The following RPS24 variants were observed in gnomAD, a reference collection of about 807,000 sequenced individuals.
RPS24 encodes ribosomal protein S24.
For synonymous variants in RPS24, 72 were observed against 55.6 expected, an observed-to-expected ratio of 1.30 and a Z score of -1.31; for missense variants, 100 against 162.5, an observed-to-expected ratio of 0.62 and a Z score of 2.09.
At chr10:78,045,852 AT>A (rs1270132456) in intron 4 of RPS24, among the ~76,000 whole-genome samples, 1 of 151,898 alleles carries the variant, frequency 6.6e-6, no homozygotes, top group African/African-American at 2.4e-5. Context: ...AAATACAAAA[AT>A]TAGCTGGGCG....
chr10:78,033,934 T>G, intron 1 of RPS24, 30 bp downstream of exon 1: 1 of 1,613,842 alleles, frequency 6.2e-7, no homozygotes, highest in Non-Finnish European at 8.5e-7. Context: ...TGCAGTCATC[T>G]GCCGCGTATC....
Position 78,054,574 on chromosome 10 carries a change from C to G in RPS24, c.434C>G (p.Ser145Cys). ...GGAGTGCAAGCATTGGGAAGAATTT[C>G]CCAGGAAGAGAGATGCACAGATGTG... The change falls in exon 5 of 5, where the codon TCC becomes TGC. Residue 145 changes from serine (S) to cysteine (C), a missense_variant. By Grantham distance (112) the Ser-to-Cys change is moderately radical (BLOSUM62 -1). Transcript: ENST00000440692. 5.2e-6 allele frequency: 8 copies of G among 1,547,646 alleles called. No homozygotes were observed. The African/African-American group carries it at 5.5e-5, about 11-fold the overall frequency.
chr10:78,052,771 A>C (rs1227189800), intron 4 of RPS24, among the ~76,000 whole-genome samples: 2 of 152,208 alleles, frequency 1.3e-5, no homozygotes, highest in East Asian at 3.9e-4. Context: ...AAGGGCTATC[A>C]TGTGAAAGAA....
At chr10:78,040,559 A>G in intron 5 of RPS24, 56 bp from the exon 6 acceptor site, 2 of 1,292,862 alleles carry the variant, frequency 1.5e-6, no homozygotes, top group Middle Eastern at 1.8e-4. Flanking sequence ...GGAATTGAAG[A>G]CTTTAAAGAA....
In RPS24 at chr10:78,054,560, A is replaced by G. The variant is rs756722617; in HGVS notation, c.420A>G (p.Ala140=). Reference sequence around the variant, plus strand: ...GGGAATTGGGGCTTGGAGTGCAAGCATTGGGAAGAATTTCCCAGGAAGAGA... The same window carrying G: ...GGGAATTGGGGCTTGGAGTGCAAGCGTTGGGAAGAATTTCCCAGGAAGAGA... The change falls in exon 5 of 5, where the codon GCA becomes GCG. Residue 140 remains alanine (A), a synonymous_variant. Coordinates refer to the RPS24 transcript ENST00000440692. The G allele has an allele frequency of 9.1e-6, 14 of 1,546,918 alleles. No homozygotes were observed. The South Asian group carries it at 1.1e-4, about 12-fold the overall frequency.
intron 4 of RPS24, among the ~76,000 whole-genome samples, chr10:78,052,990 A>G (rs985124130): frequency 6.6e-6 from 1 of 152,048 alleles, no homozygotes; most frequent in African/African-American, 2.4e-5. Flanking sequence ...CACCTCTACT[A>G]AAATACAGAA....
At chr10:78,050,835 C>T (rs1848092100) in intron 4 of RPS24, among the ~76,000 whole-genome samples, 1 of 152,084 alleles carries the variant, frequency 6.6e-6, no homozygotes, top group Non-Finnish European at 1.5e-5. Flanking sequence ...TATGTTGCGC[C>T]TCCTGGCCTC....
intron 4 of RPS24, among the ~76,000 whole-genome samples, chr10:78,053,619 T>C (rs1042266432): frequency 4.6e-5 from 7 of 152,140 alleles, no homozygotes; most frequent in Non-Finnish European, 1.0e-4. Context: ...AAGGAACCTC[T>C]TTGGCTTCTT....
intron 3 of RPS24, chr10:78,035,978 A>AG (rs1847857700): frequency 2.1e-6 from 1 of 474,826 alleles, no homozygotes; most frequent in Non-Finnish European, 3.9e-6. Context: ...TGTTTTCCAG[A>AG]GGAGAAGTAA....
chr10:78,048,509 A>G (rs1189099675), intron 4 of RPS24, among the ~76,000 whole-genome samples: 1 of 152,124 alleles, frequency 6.6e-6, no homozygotes, highest in East Asian at 1.9e-4. Flanking sequence ...TCCCTGGGTT[A>G]TAAGGGGATT....
downstream of RPS24, among the ~76,000 whole-genome samples, chr10:78,041,603 A>G (rs1334120869): frequency 6.6e-6 from 1 of 152,212 alleles, no homozygotes; most frequent in Non-Finnish European, 1.5e-5. Flanking sequence ...TGCTAGGGGC[A>G]GCAAAGGTTG....
intron 4 of RPS24, among the ~76,000 whole-genome samples, chr10:78,047,087 C>G (rs1222935727): frequency 1.3e-5 from 2 of 150,872 alleles, no homozygotes; most frequent in Admixed American, 1.3e-4. Flanking sequence ...TCCTGAGTAG[C>G]TGGGACTACT....
Position 78,037,296 on chromosome 10 carries a change from G to A in RPS24, c.382G>A (p.Gly128Ser), listed in dbSNP as rs1262146113. Reference sequence around the variant, plus strand: ...GACTGCAAAGGCCAATGTTGGTGCTGGCAAAAAGGTATAGTTCATTAAGGA... The same window carrying A: ...GACTGCAAAGGCCAATGTTGGTGCTAGCAAAAAGGTATAGTTCATTAAGGA... ...RGTAKANVGAGKK is the reference protein window; with the variant it reads ...RGTAKANVGASKK Residue 128 changes from glycine to serine, a missense_variant, in exon 4 of 6, where the codon GGC (glycine) becomes AGC (serine). Transcript: ENST00000372360. 1 of 1,599,132 alleles carries A rather than the reference G, an allele frequency of 6.3e-7. No individual in the cohort carries two copies. Among genetic ancestry groups the A allele is most frequent in the East Asian group, 2.2e-5 (1 of 44,550 alleles).
At position 78,037,545 on chromosome 10, in the gene RPS24, G is replaced by C. The variant is rs550703155; in HGVS notation, c.390+241G>C. On this transcript the variant is annotated intron_variant, in intron 4 of 5. Coordinates refer to ENST00000372360, the MANE Select transcript of RPS24 (RefSeq NM_033022.4). ...ACAGCACAATCTGGAGGCCACATTG[G>C]TTCATTGATCCCAGCTGGTGGGCAC... is the stretch of plus-strand genomic sequence containing the variant. The C allele has an allele frequency of 1.5e-3, 820 of 537,556 alleles. 3 individuals carry two copies. Among genetic ancestry groups the C allele is most frequent in the Non-Finnish European group, 2.2e-3 (686 of 318,410 alleles). 33.3% of individuals were successfully genotyped at this position (537,556 alleles called of 1,614,324 possible). A position where few individuals can be genotyped will look rare whatever the true frequency, so the allele number is the denominator to read the frequency against.
chr10:78,047,819 G>A (rs1055333144), intron 4 of RPS24, among the ~76,000 whole-genome samples: 3 of 152,216 alleles, frequency 2.0e-5, no homozygotes, highest in East Asian at 1.9e-4. Flanking sequence ...CCAGCAGCCC[G>A]ATTCTGCTTC....
intron 4 of RPS24, chr10:78,037,530 C>A: frequency 1.7e-6 from 1 of 590,170 alleles, no homozygotes; most frequent in Non-Finnish European, 2.8e-6. Context: ...ACAGCACAAT[C>A]TGGAGGCCAC....
chr10:78,037,953 C>A (rs879599423), intron 4 of RPS24: 3 of 297,776 alleles, frequency 1.0e-5, no homozygotes, highest in Non-Finnish European at 9.3e-6. Context: ...TCTTGGATTT[C>A]TTGTTCATCA....
At chr10:78,056,124 T>C (rs1231587684) in exon 5 of RPS24, 1 of 152,512 alleles carries the variant, frequency 6.6e-6, no homozygotes, top group East Asian at 1.9e-4. Flanking sequence ...AAGACCAGTG[T>C]GGCAGTGACT....
rs370741319 is a variant in RPS24, at chr10:78,040,361, A to G, written c.*19+136A>G. The G allele has an allele frequency of 1.8e-4, 143 of 812,706 alleles. 1 individual carries two copies. In the South Asian group the frequency reaches 2.1e-3, roughly 12 times the overall value. The allele number at this position is 812,706 out of a possible 1,614,324, so 50.3% of individuals were successfully genotyped here. On this transcript the variant is annotated intron_variant, in intron 5 of 5. Coordinates refer to ENST00000372360, the MANE Select transcript of RPS24 (RefSeq NM_033022.4). ...ATATTCTGAAGAGTTGTAACCTTTT[A>G]AAATACTAACAGTGACATGGTTTTG...
Sources: allele counts gnomAD v4.1 joint callset (sites outside exome capture counted in the v4.1 genomes callset), GRCh38; gene constraint gnomAD v4.1.1; transcripts MANE v1.5; gene names NCBI Gene and HGNC (gene_info 2026-07-23, HGNC 2026-07-21).